Variants in CFAP44 observed in about 807,000 individuals in gnomAD.
CFAP44 encodes cilia- and flagella-associated protein 44.
Under a neutral mutation model 216.2 loss-of-function variants are expected in CFAP44, and 134 were observed. That is an observed-to-expected ratio of 0.62 (90% CI 0.54 to 0.72). The LOEUF is 0.72. Ranked by LOEUF, CFAP44 falls within the 30% of genes least tolerant of loss-of-function variation. The pLI is 0.00. For missense variants in CFAP44, 2,035 were observed against 2,182.1 expected (o/e 0.93, Z 1.34); for synonymous variants, 700 against 727.6 (o/e 0.96, Z 0.61).
intron 4 of CFAP44, among the ~76,000 whole-genome samples, chr3:113,421,411 C>A (rs553990454): frequency 1.3e-5 from 2 of 152,270 alleles, no homozygotes; most frequent in South Asian, 4.1e-4. Context: ...ATCAGTTCAG[C>A]CACTGTGGAA....
At chr3:113,420,678 T>C (rs1424334284) in intron 4 of CFAP44, among the ~76,000 whole-genome samples, 1 of 152,180 alleles carries the variant, frequency 6.6e-6, no homozygotes. Context: ...ACAGTAAAAA[T>C]ATTACGTAGG....
At chr3:113,291,793 T>C in intron 34 of CFAP44, 45 bp from the exon 35 acceptor site, 1 of 1,529,642 alleles carries the variant, frequency 6.5e-7, no homozygotes, top group Middle Eastern at 2.3e-4. Flanking sequence ...ATTTGGCATG[T>C]GAAAAACTCC....
At chr3:113,365,866 T>C (rs1185643898) in intron 19 of CFAP44, among the ~76,000 whole-genome samples, 173 bp downstream of exon 19, 1 of 152,154 alleles carries the variant, frequency 6.6e-6, no homozygotes, top group Non-Finnish European at 1.5e-5. Context: ...TGTAATACCT[T>C]TAATATTTGA....
chr3:113,410,403 G>GT (rs1195899869), intron 6 of CFAP44, among the ~76,000 whole-genome samples: 1 of 152,118 alleles, frequency 6.6e-6, no homozygotes, highest in African/African-American at 2.4e-5. Context: ...GCAGTGTTTG[G>GT]TTTTTTGTCC....
Position 113,406,440 on chromosome 3 carries a change from C to T in CFAP44, c.1005+487G>A, listed in dbSNP as rs1327813418. On this transcript the variant is annotated intron_variant, in intron 8 of 34. Coordinates refer to ENST00000393845, the MANE Select transcript of CFAP44 (RefSeq NM_001164496.2). ...GAGATCAAGACCATCCTGGCTAACACGGTGAAACCCCGTCTCTACTAAAAA... is the reference window on the plus strand; with the variant it reads ...GAGATCAAGACCATCCTGGCTAACATGGTGAAACCCCGTCTCTACTAAAAA... Among the ~76,000 whole-genome samples the T allele has an allele frequency of 6.6e-5, 10 of 152,082 alleles. No individual in the cohort carries two copies. The East Asian group carries it at 1.5e-3, about 24-fold the overall frequency.
In CFAP44 at chr3:113,296,901, CA is replaced by C; in HGVS notation, c.5078-17del. 1 of 1,537,190 alleles carries C rather than the reference CA, an allele frequency of 6.5e-7. No homozygotes were observed. The highest frequency in any genetic ancestry group is 1.2e-5 in the South Asian group (1 of 84,048). On this transcript the variant is annotated splice_polypyrimidine_tract_variant and intron_variant, in intron 32 of 34. Transcript: ENST00000393845. ...TCCTCCATTTCTAAAAGAAGACAGT[CA>C]CTGGCTCAGGTTGTTCAATGGCTCC...
Position 113,416,543 on chromosome 3 carries a change from G to C in CFAP44, c.655C>G (p.Pro219Ala). 4 of 1,609,474 alleles carry C rather than the reference G, an allele frequency of 2.5e-6. No individual in the cohort carries two copies. Among genetic ancestry groups the C allele is most frequent in the Non-Finnish European group, 3.4e-6 (4 of 1,176,656 alleles). ...IIIYEYPSLR[P>A]YRVLRDGTEK... ...GACTCACCTCGAAGGACTCTGTATG[G>C]TCTCAGAGAAGGATATTCATAGATG... The change falls in exon 6 of 35, where the codon CCA (proline) becomes GCA (alanine). Residue 219 changes from proline to alanine, a missense_variant. Pro to Ala is a conservative substitution (Grantham distance 27). Around this residue, in one of 3 missense-constraint regions of CFAP44, gnomAD observed 1,883 missense variants for 2,023.7 expected, o/e 0.93. Coordinates refer to ENST00000393845, the MANE Select transcript of CFAP44 (RefSeq NM_001164496.2).
intron 28 of CFAP44, among the ~76,000 whole-genome samples, chr3:113,322,957 T>C (rs947492210): frequency 6.6e-6 from 1 of 152,168 alleles, no homozygotes; most frequent in Non-Finnish European, 1.5e-5. Context: ...CTCCTCCACA[T>C]GGCAGCAGGA....
In CFAP44 at chr3:113,347,957, C is replaced by A. The variant is rs539577310; in HGVS notation, c.3066-3245G>T. ...CCTCATTGTGGTCTAAGAGGACAGGCAAGAGTGCAGGTTTTCAAGAATGCA... is the reference window on the plus strand; with the variant it reads ...CCTCATTGTGGTCTAAGAGGACAGGAAAGAGTGCAGGTTTTCAAGAATGCA... On this transcript the variant is annotated intron_variant, in intron 22 of 34. Coordinates refer to ENST00000393845, the MANE Select transcript of CFAP44 (RefSeq NM_001164496.2). 5.9e-5 allele frequency among the ~76,000 whole-genome samples: 9 copies of A among 152,206 alleles called. No individual in the cohort carries two copies. The East Asian group carries it at 1.7e-3, about 29-fold the overall frequency.
At chr3:113,305,189 C>A in intron 30 of CFAP44, 37 bp from the exon 31 acceptor site, 1 of 1,496,510 alleles carries the variant, frequency 6.7e-7, no homozygotes, top group Non-Finnish European at 9.0e-7. Context: ...GGTGACAAGA[C>A]TCAATAAACA....
intron 21 of CFAP44, among the ~76,000 whole-genome samples, chr3:113,362,624 C>A (rs569557635): frequency 3.2e-4 from 48 of 152,336 alleles, no homozygotes; most frequent in African/African-American, 1.1e-3. Context: ...TAACGCTCAT[C>A]ACATATGTGC....
chr3:113,440,955 T>G (rs959727844), intron 1 of CFAP44, among the ~76,000 whole-genome samples: 1 of 152,242 alleles, frequency 6.6e-6, no homozygotes, highest in African/African-American at 2.4e-5. Flanking sequence ...GACAAATATT[T>G]ATGTGCACCT....
At chr3:113,368,098 C>T (rs779624748) in intron 18 of CFAP44, among the ~76,000 whole-genome samples, 4 of 152,114 alleles carry the variant, frequency 2.6e-5, no homozygotes, top group Non-Finnish European at 5.9e-5. Context: ...TGTGAAAAGA[C>T]CAAATCTACA....
At chr3:113,292,677 G>C (rs1054652002) in intron 34 of CFAP44, among the ~76,000 whole-genome samples, 3 of 152,220 alleles carry the variant, frequency 2.0e-5, no homozygotes, top group African/African-American at 7.2e-5. Flanking sequence ...TGGAAGCAGA[G>C]TTAGAAACAG....
intron 32 of CFAP44, 63 bp downstream of exon 32, chr3:113,303,853 C>T: frequency 6.6e-7 from 1 of 1,504,860 alleles, no homozygotes; most frequent in Non-Finnish European, 8.9e-7. Flanking sequence ...GAGACAGTCA[C>T]CTGGATAATT....
chr3:113,353,806 G>A (rs1336065731), intron 22 of CFAP44, among the ~76,000 whole-genome samples: 1 of 152,270 alleles, frequency 6.6e-6, no homozygotes, highest in East Asian at 1.9e-4. Flanking sequence ...GAGCTCTGAA[G>A]ATCTGCAGAG....
chr3:113,378,757 T>C (rs759228402), intron 17 of CFAP44, among the ~76,000 whole-genome samples: 12 of 152,166 alleles, frequency 7.9e-5, no homozygotes, highest in Non-Finnish European at 1.2e-4. Context: ...CTAATATCCA[T>C]TTTTCCCTTC....
At chr3:113,426,067 C>T (rs1193829769) in intron 4 of CFAP44, 57 bp downstream of exon 4, 70 of 1,588,850 alleles carry the variant, frequency 4.4e-5, no homozygotes, top group Non-Finnish European at 5.6e-5. Context: ...AGTTTGCTGA[C>T]CTCTGACCTA....
intron 6 of CFAP44, among the ~76,000 whole-genome samples, chr3:113,410,111 G>C (rs776751014): frequency 6.6e-6 from 1 of 151,998 alleles, no homozygotes; most frequent in Non-Finnish European, 1.5e-5. Flanking sequence ...CTATGGAGTA[G>C]CCATTCTTTT....
Sources: allele counts gnomAD v4.1 joint callset (sites outside exome capture counted in the v4.1 genomes callset), GRCh38; gene constraint gnomAD v4.1.1; regional missense constraint gnomAD v4.1.1; transcripts MANE v1.5; gene names NCBI Gene and HGNC (gene_info 2026-07-23, HGNC 2026-07-21).